Variants in PROC observed in about 807,000 individuals in gnomAD.
PROC encodes protein C, inactivator of coagulation factors Va and VIIIa.
A neutral mutation model predicts 36.3 loss-of-function variants in PROC; 22 were observed. The observed-to-expected ratio is 0.61, with a 90% confidence interval of 0.43 to 0.86. The LOEUF is 0.86. PROC is among the 40% of genes least tolerant of loss of function. The pLI, the probability that PROC is intolerant of heterozygous loss-of-function variation, is 0.00. For missense variants in PROC, 526 were observed against 629.7 expected (o/e 0.84, Z 1.76); for synonymous variants, 218 against 244.5 (o/e 0.89, Z 1.01).
rs1403322361 is a variant in PROC at position 127,426,066 on chromosome 2, CCA to C, written c.536-17_536-16del. The C allele has an allele frequency of 1.2e-6, 2 of 1,613,824 alleles. No homozygotes were observed. The highest frequency in any genetic ancestry group is 1.7e-6 in the Non-Finnish European group (2 of 1,180,012). On this transcript the variant is annotated splice_polypyrimidine_tract_variant and intron_variant, in intron 6 of 8. Transcript: ENST00000234071. This position sits in a 1 kb window ranked among gnomAD's most constrained non-coding sequence, Gnocchi z 7.0. ...GGAGGAGTGCCTGGCAGGCCCCTCA[CCA>C]CCTCTGCCTACCTCAGTGAAGTTCC...
chr2:127,428,882 A>T lies in PROC; in HGVS notation c.1322A>T (p.Tyr441Phe). The change falls in exon 9 of 9, where the codon TAC becomes TTC. Residue 441 changes from tyrosine (Y) to phenylalanine (F), a missense_variant. Transcript: ENST00000234071. ...NYGVYTKVSR[Y>F]LDWIHGHIRD... ...GGCGTTTACACCAAAGTCAGCCGCT[A>T]CCTCGACTGGATCCATGGGCACATC... 6.2e-7 allele frequency: 1 copy of T among 1,613,822 alleles called. No individual in the cohort carries two copies. Among genetic ancestry groups the T allele is most frequent in the Non-Finnish European group, 8.5e-7 (1 of 1,179,982 alleles).
At chr2:127,428,335 G>T in intron 8 of PROC, 22 bp from the exon 9 acceptor site, 2 of 1,611,740 alleles carry the variant, frequency 1.2e-6, no homozygotes, top group South Asian at 2.2e-5. Context: ...AGCCCACTCT[G>T]ACTGTGCCCT....
rs752782202 is a variant in PROC, at chr2:127,428,590, T to A, written c.1030T>A (p.Tyr344Asn). 1 of 1,613,798 alleles carries A rather than the reference T, an allele frequency of 6.2e-7. No individual in the cohort carries two copies. Among genetic ancestry groups the A allele is most frequent in the South Asian group, 1.1e-5 (1 of 91,090 alleles). The change falls in exon 9 of 9, where the codon TAC becomes AAC. Residue 344 changes from tyrosine to asparagine, a missense_variant. By Grantham distance (143) the Tyr-to-Asn change is moderately radical. Transcript: ENST00000234071. ...GGAGACCCTCGTGACGGGCTGGGGC[T>A]ACCACAGCAGCCGAGAGAAGGAGGC... ...GQETLVTGWGYHSSREKEAKR... is the reference protein window; with the variant it reads ...GQETLVTGWGNHSSREKEAKR...
Position 127,421,398 on chromosome 2 carries a change from G to A in PROC, c.186G>A (p.Glu62=), listed in dbSNP as rs1276731365. ...HSSLERECIE[E]ICDFEEAKEI... The stretch of plus-strand genomic sequence containing the variant: ...GCCTGGAGCGGGAGTGCATAGAGGA[G>A]ATCTGTGACTTCGAGGAGGCCAAGG... Residue 62 remains glutamate (E), a synonymous_variant, in exon 3 of 9, where the codon GAG becomes GAA. Coordinates refer to ENST00000234071, the MANE Select transcript of PROC (RefSeq NM_000312.4). The A allele has an allele frequency of 6.2e-7, 1 of 1,613,874 alleles. No individual in the cohort carries two copies. Among genetic ancestry groups the A allele is most frequent in the African/African-American group, 1.3e-5 (1 of 74,946 alleles).
intron 3 of PROC, among the ~76,000 whole-genome samples, chr2:127,422,145 G>C (rs1216745684): frequency 6.6e-6 from 1 of 152,164 alleles, no homozygotes; most frequent in African/African-American, 2.4e-5. Context: ...AGGCTTTCAG[G>C]GCAGGAGACC....
At chr2:127,423,525 G>C (rs1217379071) in intron 6 of PROC, 117 bp downstream of exon 6, 38 of 1,362,054 alleles carry the variant, frequency 2.8e-5, no homozygotes, top group Non-Finnish European at 3.3e-5. Context: ...GCGAGGAACA[G>C]AGTTGAGCCT....
intron 3 of PROC, among the ~76,000 whole-genome samples, chr2:127,422,372 G>C (rs901079257): frequency 6.6e-6 from 1 of 152,268 alleles, no homozygotes; most frequent in African/African-American, 2.4e-5. Flanking sequence ...CTCTCTGATG[G>C]AGCAGGCATC....
chr2:127,421,967 T>A (rs1283325292), intron 3 of PROC, among the ~76,000 whole-genome samples: 1 of 152,084 alleles, frequency 6.6e-6, no homozygotes, highest in African/African-American at 2.4e-5. Context: ...GCCCCCAGAG[T>A]CCTGTGGACG....
Position 127,423,304 on chromosome 2 carries a change from A to G in PROC, c.431A>G (p.Asn144Ser). 1.3e-6 allele frequency: 2 copies of G among 1,549,942 alleles called. No individual in the cohort carries two copies. The highest frequency in any genetic ancestry group is 1.4e-5 in the African/African-American group (1 of 73,078). The change falls in exon 6 of 9, where the codon AAC becomes AGC. Residue 144 changes from asparagine to serine, a missense_variant. By Grantham distance (46) the Asn-to-Ser change is conservative. Transcript: ENST00000234071. The stretch of plus-strand genomic sequence containing the variant: ...AGCTTCCTCAATTGCTCGCTGGACA[A>G]CGGCGGCTGCACGCATTACTGCCTA... ...EVSFLNCSLD[N>S]GGCTHYCLEE...
chr2:127,425,400 T>A (rs1376163774), intron 6 of PROC, among the ~76,000 whole-genome samples: 1 of 152,244 alleles, frequency 6.6e-6, no homozygotes, highest in Non-Finnish European at 1.5e-5. Context: ...TCAAGGCCCA[T>A]TTTGAGCAGA....
intron 1 of PROC, chr2:127,419,601 T>G: frequency 2.4e-6 from 1 of 420,826 alleles, no homozygotes. Flanking sequence ...CCAATCAACG[T>G]TAGCTAATAT....
Position 127,428,401 on chromosome 2 carries a change from G to A in PROC, c.841G>A (p.Asp281Asn). The change falls in exon 9 of 9, where the codon GAC (aspartate) becomes AAC (asparagine). Residue 281 changes from aspartate to asparagine, a missense_variant. Coordinates refer to ENST00000234071, the MANE Select transcript of PROC (RefSeq NM_000312.4). ...RRWEKWELDL[D>N]IKEVFVHPNY... ...CTGGGAGAAGTGGGAGCTGGACCTGGACATCAAGGAGGTCTTCGTCCACCC... is the reference window on the plus strand; with the variant it reads ...CTGGGAGAAGTGGGAGCTGGACCTGAACATCAAGGAGGTCTTCGTCCACCC... 1 of 1,614,150 alleles carries A rather than the reference G, an allele frequency of 6.2e-7. No individual in the cohort carries two copies. Among genetic ancestry groups the A allele is most frequent in the South Asian group, 1.1e-5 (1 of 91,084 alleles).
chr2:127,422,586 G>A (rs1213993272), intron 3 of PROC, among the ~76,000 whole-genome samples: 9 of 152,266 alleles, frequency 5.9e-5, no homozygotes, highest in Non-Finnish European at 1.2e-4. Flanking sequence ...ACTGGAAGGA[G>A]GCCGAGTGAC....
intron 3 of PROC, among the ~76,000 whole-genome samples, 174 bp from the exon 4 acceptor site, chr2:127,422,743 G>A (rs929169439): frequency 6.6e-6 from 1 of 152,046 alleles, no homozygotes; most frequent in African/African-American, 2.4e-5. Context: ...GCTGGAGGGC[G>A]GGGGAGGGGC....
rs1688266773 is a variant in PROC at position 127,423,484 on chromosome 2, C to T, written c.535+76C>T. On this transcript the variant is annotated intron_variant, in intron 6 of 8. Coordinates refer to ENST00000234071, the MANE Select transcript of PROC (RefSeq NM_000312.4). Reference sequence around the variant, plus strand: ...GCAGGCCCCCTGACGGGGCGCGGCGCGGGGGGCTCAGGAGGGTTTCTAGGG... The same window carrying T: ...GCAGGCCCCCTGACGGGGCGCGGCGTGGGGGGCTCAGGAGGGTTTCTAGGG... 5 of 1,512,424 alleles carry T rather than the reference C, an allele frequency of 3.3e-6. No individual in the cohort carries two copies. In the East Asian group the frequency reaches 7.6e-5, roughly 23 times the overall value. The allele number at this position is 1,512,424 out of a possible 1,614,324, so 93.7% of individuals were successfully genotyped here. A position where few individuals can be genotyped will look rare whatever the true frequency, so the allele number is the denominator to read the frequency against.
intron 3 of PROC, among the ~76,000 whole-genome samples, chr2:127,422,487 C>T (rs896631284): frequency 2.0e-5 from 3 of 152,242 alleles, no homozygotes; most frequent in African/African-American, 7.2e-5. Flanking sequence ...CCCTCTGCCC[C>T]CATCCTCCCA....
rs573214937 is a variant in PROC at position 127,426,316 on chromosome 2, G to A, written c.678+89G>A. 1.3e-5 allele frequency: 20 copies of A among 1,569,728 alleles called. No individual in the cohort carries two copies. The highest frequency in any genetic ancestry group is 1.2e-4 in the Admixed American group (7 of 59,572). ...CAGCTATGCTCAGGGTGCAGAAACC[G>A]AGAGGGAAGCGCTGCCATTGCGTTT... On this transcript the variant is annotated intron_variant, in intron 7 of 8. Coordinates refer to ENST00000234071, the MANE Select transcript of PROC (RefSeq NM_000312.4). This position sits in a 1 kb window ranked among gnomAD's most constrained non-coding sequence, Gnocchi z 7.0.
chr2:127,419,784 G>A (rs1282289456), intron 1 of PROC, 138 bp from the exon 2 acceptor site: 86 of 1,528,206 alleles, frequency 5.6e-5, no homozygotes, highest in Middle Eastern at 4.0e-4. Flanking sequence ...TGTCTCTAGC[G>A]AACAAGGACC....
At position 127,427,122 on chromosome 2, in the gene PROC, AAAG is replaced by A. The variant is rs1688554587; in HGVS notation, c.703_705del (p.Lys235del). On this transcript the variant is annotated inframe_deletion, in exon 8 of 9. Coordinates refer to ENST00000234071, the MANE Select transcript of PROC (RefSeq NM_000312.4). ...CATTCCAGGTGGTCCTGCTGGACTC[AAAG>A]AAGAAGCTGGCCTGCGGGGCAGTGC... 5 of 1,613,838 alleles carry A rather than the reference AAAG, an allele frequency of 3.1e-6. No homozygotes were observed. Among genetic ancestry groups the A allele is most frequent in the African/African-American group, 1.3e-5 (1 of 74,942 alleles).
Sources: gnomAD v4.1 joint callset for allele counts (sites outside exome capture counted in the v4.1 genomes callset) on GRCh38, gnomAD v4.1.1 for gene constraint, Gnocchi (gnomAD v3.1) non-coding constraint, MANE v1.5 for transcripts, NCBI Gene and HGNC (gene_info 2026-07-23, HGNC 2026-07-21) for gene names.